The following LRIG1 variants were observed in gnomAD, a reference collection of about 807,000 sequenced individuals.
The protein encoded by LRIG1 is leucine-rich repeats and immunoglobulin-like domains protein 1.
In LRIG1, 48 loss-of-function variants were observed where a neutral mutation model predicts 99.2. The ratio of observed to expected loss-of-function variants is 0.48; its 90% CI spans 0.38 to 0.62. The LOEUF (loss-of-function observed/expected upper bound fraction) is 0.62. Ranked by LOEUF, LRIG1 falls within the 20% of genes least tolerant of loss-of-function variation. The probability of loss-of-function intolerance (pLI) is 0.00; values close to 1 mark genes in which losing one functional copy is unlikely to be tolerated. For synonymous variants in LRIG1, 772 were observed against 596.1 expected (o/e 1.29, Z -4.30); for missense variants, 1,646 against 1,434.4 (o/e 1.15, Z -2.38).
At chr3:66,430,363 G>C (rs760660109) in intron 3 of LRIG1, among the ~76,000 whole-genome samples, 1 of 152,188 alleles carries the variant, frequency 6.6e-6, no homozygotes, top group Non-Finnish European at 1.5e-5. Flanking sequence ...AGCACGGGGT[G>C]GGGGTTACTT....
At chr3:66,467,621 A>G (rs1214826227) in intron 1 of LRIG1, among the ~76,000 whole-genome samples, 1 of 152,040 alleles carries the variant, frequency 6.6e-6, no homozygotes. Flanking sequence ...TCGGCCTCCC[A>G]AAGTGCTGGG....
At position 66,383,262 on chromosome 3, in the gene LRIG1, C is replaced by T; in HGVS notation, c.2211G>A (p.Glu737=). 2 of 1,614,104 alleles carry T rather than the reference C, an allele frequency of 1.2e-6. No homozygotes were observed. Among genetic ancestry groups the T allele is most frequent in the Non-Finnish European group, 1.7e-6 (2 of 1,179,916 alleles). ...GGTTGTCAGGGGTCAAGTGGTGCCG[C>T]TCAGTGAGGCTCAGCGGGCGGTCCC... ...FKGDRPLSLT[E]RHHLTPDNQL... Residue 737 remains glutamate (E), a synonymous_variant, in exon 15 of 19, where the codon GAG becomes GAA. Coordinates refer to ENST00000273261, the MANE Select transcript of LRIG1 (RefSeq NM_015541.3).
intron 4 of LRIG1, 135 bp downstream of exon 4, chr3:66,416,994 C>A (rs1391120071): frequency 1.6e-5 from 19 of 1,160,516 alleles, no homozygotes; most frequent in Non-Finnish European, 2.1e-5. Flanking sequence ...TCTGAACCAT[C>A]CCCACTGACT....
intron 4 of LRIG1, among the ~76,000 whole-genome samples, chr3:66,416,562 TTG>T (rs979366227): frequency 2.6e-5 from 4 of 152,198 alleles, no homozygotes; most frequent in African/African-American, 9.6e-5. Context: ...CTACCATCCA[TTG>T]TGTGTGAGAT....
intron 15 of LRIG1, 104 bp from the exon 16 acceptor site, chr3:66,382,502 A>G: frequency 1.5e-6 from 2 of 1,330,438 alleles, no homozygotes; most frequent in Non-Finnish European, 2.1e-6. Context: ...AGTGACGACC[A>G]TCAGCGCTGT....
chr3:66,469,197 T>A (rs773180811), intron 1 of LRIG1: 1 of 152,166 alleles, frequency 6.6e-6, no homozygotes, highest in Non-Finnish European at 1.5e-5. Context: ...ATATTCCCTA[T>A]GGCAAAAGAA....
intron 1 of LRIG1, among the ~76,000 whole-genome samples, chr3:66,491,953 AT>A (rs1368624154): frequency 6.6e-6 from 1 of 152,230 alleles, no homozygotes; most frequent in African/African-American, 2.4e-5. Flanking sequence ...CTGCCTGCAT[AT>A]CAACTGTTCC....
intron 3 of LRIG1, among the ~76,000 whole-genome samples, chr3:66,430,912 A>T (rs917181949): frequency 6.6e-6 from 1 of 151,918 alleles, no homozygotes. Context: ...GTATCAATAC[A>T]TCCCTATTTT....
intron 1 of LRIG1, among the ~76,000 whole-genome samples, chr3:66,484,850 T>C (rs1386647607): frequency 6.6e-6 from 1 of 151,880 alleles, no homozygotes; most frequent in Admixed American, 6.6e-5. Context: ...ACAAAAAAAA[T>C]TTAAGATAAA....
intron 3 of LRIG1, among the ~76,000 whole-genome samples, chr3:66,450,953 C>T (rs1703885805): frequency 6.6e-6 from 1 of 152,176 alleles, no homozygotes; most frequent in Non-Finnish European, 1.5e-5. Context: ...AGTTCTCTAG[C>T]AAAGGTTTGT....
intron 1 of LRIG1, among the ~76,000 whole-genome samples, chr3:66,472,854 G>C (rs1346377991): frequency 2.0e-5 from 3 of 152,066 alleles, no homozygotes; most frequent in Non-Finnish European, 4.4e-5. Context: ...CTCTTGTCTA[G>C]GACTTTCCTA....
chr3:66,379,812 C>T lies in LRIG1; in HGVS notation c.*451G>A, dbSNP rs79203552. ...AAGTGCAATATAAATCCAAGGCCTT[C>T]CATCCTTCCCACCCCGCACCAAAAA... On this transcript the variant is annotated 3_prime_UTR_variant, in exon 19 of 19. Transcript: ENST00000273261. 0.047 allele frequency: 7,629 copies of T among 163,336 alleles called. 269 individuals carry two copies. Among genetic ancestry groups the T allele is most frequent in the Non-Finnish European group, 0.07 (5,249 of 74,484 alleles). 10.1% of individuals were successfully genotyped at this position (163,336 alleles called of 1,614,324 possible). A position where few individuals can be genotyped will look rare whatever the true frequency, so the allele number is the denominator to read the frequency against.
chr3:66,381,589 G>GTGTC lies in LRIG1; in HGVS notation c.2656_2659dup (p.Thr887ArgfsTer30). On this transcript the variant is annotated frameshift_variant, in exon 17 of 19. Coordinates refer to ENST00000273261, the MANE Select transcript of LRIG1 (RefSeq NM_015541.3). LOFTEE classifies it high-confidence loss of function. ...TGGCTGCCTGCAGGCAACGCTGTGA[G>GTGTC]TGTCGGGCTCTGGAAAGTGGCTTGC... 6.2e-7 allele frequency: 1 copy of GTGTC among 1,614,126 alleles called. No homozygotes were observed. Among genetic ancestry groups the GTGTC allele is most frequent in the South Asian group, 1.1e-5 (1 of 91,084 alleles).
Position 66,386,202 on chromosome 3 carries a change from C to T in LRIG1, c.1568G>A (p.Ser523Asn), listed in dbSNP as rs1411844192. 3 of 1,613,402 alleles carry T rather than the reference C, an allele frequency of 1.9e-6. No homozygotes were observed. Among genetic ancestry groups the T allele is most frequent in the East Asian group, 4.5e-5 (2 of 44,884 alleles). ...RFTCSAASSS[S>N]SPMTFAWKKD... is the part of the protein sequence containing the mutation. The stretch of plus-strand genomic sequence containing the variant: ...CTTCCAGGCAAAGGTCATGGGGGAG[C>T]TGCTGCTGCTGGCTGCTGAGCATGT... The change falls in exon 13 of 19, where the codon AGC becomes AAC. Residue 523 changes from serine to asparagine, a missense_variant. Coordinates refer to ENST00000273261, the MANE Select transcript of LRIG1 (RefSeq NM_015541.3).
intron 16 of LRIG1, 114 bp downstream of exon 16, chr3:66,382,159 C>G: frequency 1.6e-6 from 2 of 1,236,768 alleles, no homozygotes; most frequent in Non-Finnish European, 2.3e-6. Flanking sequence ...TCTACTTCAC[C>G]AAGTTTGCCC....
At chr3:66,472,177 G>A (rs1434564951) in intron 1 of LRIG1, among the ~76,000 whole-genome samples, 3 of 151,856 alleles carry the variant, frequency 2.0e-5, no homozygotes, top group East Asian at 3.9e-4. Context: ...GGTGGTGGGC[G>A]CCTGTAGTCC....
intron 2 of LRIG1, among the ~76,000 whole-genome samples, chr3:66,453,431 G>A (rs1379023534): frequency 6.6e-6 from 1 of 152,188 alleles, no homozygotes; most frequent in South Asian, 2.1e-4. Context: ...AAACACAGAT[G>A]TTAAGTAATT....
intron 15 of LRIG1, 77 bp from the exon 16 acceptor site, chr3:66,382,475 A>T: frequency 6.5e-7 from 1 of 1,544,934 alleles, no homozygotes; most frequent in East Asian, 2.2e-5. Flanking sequence ...TGTCAAGCTC[A>T]GAAAGGGGAT....
chr3:66,415,036 G>A lies in LRIG1; in HGVS notation c.531C>T (p.Thr177=), dbSNP rs1702580209. 6.2e-7 allele frequency: 1 copy of A among 1,606,302 alleles called. No homozygotes were observed. Among genetic ancestry groups the A allele is most frequent in the Admixed American group, 1.7e-5 (1 of 57,996 alleles). The change falls in exon 5 of 19, where the codon ACC becomes ACT. Residue 177 remains threonine (T), a synonymous_variant. Transcript: ENST00000273261. ...ELNLAGNRIG[T]LELGAFDGLS... is the part of the protein sequence containing the mutation. ...GACCATCAAATGCTCCCAACTCCAG[G>A]GTGCCAATCCGATTGCCTGCCAGGT...
Sources: allele counts gnomAD v4.1 joint callset (sites outside exome capture counted in the v4.1 genomes callset), GRCh38; gene constraint gnomAD v4.1.1; transcripts MANE v1.5; gene names NCBI Gene and HGNC (gene_info 2026-07-23, HGNC 2026-07-21).